ESR1: variants seen among roughly 807,000 people sequenced by gnomAD.
The protein encoded by ESR1 is estrogen receptor 1.
In ESR1, 12 loss-of-function variants were observed where a neutral mutation model predicts 52.7. The ratio of observed to expected loss-of-function variants is 0.23; its 90% CI spans 0.15 to 0.37. The LOEUF is 0.37. Among genes scored for constraint, ESR1 ranks in the 10% least tolerant of loss-of-function variants. The pLI is 1.00. For synonymous variants in ESR1, 305 were observed against 316.8 expected, an observed-to-expected ratio of 0.96 and a Z score of 0.39; for missense variants, 584 against 779.7, an observed-to-expected ratio of 0.75 and a Z score of 2.99.
At chr6:151,906,617 G>T (rs996756417) in intron 3 of ESR1, among the ~76,000 whole-genome samples, 1 of 150,580 alleles carries the variant, frequency 6.6e-6, no homozygotes, top group African/African-American at 2.4e-5. Context: ...AGAAACATTG[G>T]ATAGTCTCTT....
At chr6:151,811,137 C>G (rs1778772838) in intron 1 of ESR1, 1 of 152,148 alleles carries the variant, frequency 6.6e-6, no homozygotes, top group South Asian at 2.1e-4. Context: ...TAATATGCAG[C>G]CACATCTATG....
intron 3 of ESR1, among the ~76,000 whole-genome samples, chr6:151,911,601 G>A (rs1400568729): frequency 6.6e-6 from 1 of 152,164 alleles, no homozygotes; most frequent in Non-Finnish European, 1.5e-5. Flanking sequence ...ACTCGCCTCT[G>A]GGAGGCCTCC....
chr6:152,106,918 T>C (rs1397359804), downstream of ESR1, among the ~76,000 whole-genome samples: 2 of 152,092 alleles, frequency 1.3e-5, no homozygotes, highest in African/African-American at 2.4e-5. Context: ...GCACTTTGTA[T>C]ATATCATCCC....
chr6:151,819,371 C>G (rs960579831), intron 1 of ESR1, among the ~76,000 whole-genome samples: 4 of 152,182 alleles, frequency 2.6e-5, no homozygotes, highest in Non-Finnish European at 5.9e-5. Flanking sequence ...GGTTTGGGGC[C>G]TGTTAGGAAC....
upstream of ESR1, among the ~76,000 whole-genome samples, chr6:151,799,721 G>A (rs959448811): frequency 3.9e-5 from 6 of 152,220 alleles, no homozygotes; most frequent in African/African-American, 1.4e-4. Context: ...GCATTTATAG[G>A]AGTAGCACTC....
chr6:152,071,978 T>G (rs889322567), intron 6 of ESR1, among the ~76,000 whole-genome samples: 1 of 152,222 alleles, frequency 6.6e-6, no homozygotes, highest in Admixed American at 6.5e-5. Flanking sequence ...AAACTATCAA[T>G]TACACTTTTA....
At chr6:152,106,732 G>T (rs1479621011), downstream of ESR1, among the ~76,000 whole-genome samples, 1 of 152,138 alleles carries the variant, frequency 6.6e-6, no homozygotes, top group Non-Finnish European at 1.5e-5. Context: ...GGAAGTACAG[G>T]CATGTACCAC....
chr6:151,967,598 G>T (rs1466176433), intron 4 of ESR1, among the ~76,000 whole-genome samples: 1 of 152,144 alleles, frequency 6.6e-6, no homozygotes, highest in East Asian at 1.9e-4. Context: ...TGGGCATTTG[G>T]GTTGGTTCCA....
chr6:152,091,649 G>T (rs2050189947), intron 6 of ESR1, among the ~76,000 whole-genome samples: 2 of 152,134 alleles, frequency 1.3e-5, no homozygotes, highest in African/African-American at 4.8e-5. Context: ...CTCCCCAGAG[G>T]CCGAGTGCCA....
chr6:151,984,928 G>A (rs939771577), intron 4 of ESR1, among the ~76,000 whole-genome samples: 3 of 152,062 alleles, frequency 2.0e-5, no homozygotes, highest in Admixed American at 2.0e-4. Context: ...TCAAGATCTA[G>A]TCCCTTCTTT....
chr6:151,980,549 G>A (rs557247143), intron 4 of ESR1, among the ~76,000 whole-genome samples: 1 of 152,074 alleles, frequency 6.6e-6, no homozygotes, highest in Non-Finnish European at 1.5e-5. Flanking sequence ...AAAGATACAC[G>A]ACTCATTGGT....
At chr6:151,931,889 T>C (rs1330540926) in intron 3 of ESR1, among the ~76,000 whole-genome samples, 2 of 143,722 alleles carry the variant, frequency 1.4e-5, no homozygotes, top group Non-Finnish European at 3.1e-5. Context: ...TCTTTGCTAT[T>C]GTGAATAATG....
At chr6:151,911,688 CCTTA>C (rs1018950520) in intron 3 of ESR1, among the ~76,000 whole-genome samples, 1 of 152,208 alleles carries the variant, frequency 6.6e-6, no homozygotes, top group African/African-American at 2.4e-5. Context: ...GGAACCTCTT[CCTTA>C]CTTAGTTTCT....
chr6:152,097,376 A>G (rs936956710), intron 7 of ESR1, among the ~76,000 whole-genome samples: 1 of 151,932 alleles, frequency 6.6e-6, no homozygotes, highest in African/African-American at 2.4e-5. Context: ...TCCAGGGGGC[A>G]TTTAACTTTT....
At chr6:151,724,170 G>A (rs560324783) in intron 2 of ESR1, among the ~76,000 whole-genome samples, 1 of 152,216 alleles carries the variant, frequency 6.6e-6, no homozygotes, top group South Asian at 2.1e-4. Flanking sequence ...GGTAGGCTGG[G>A]ACTGAAAGCA....
intron 2 of ESR1, among the ~76,000 whole-genome samples, chr6:151,843,995 G>A (rs1008670384): frequency 6.6e-6 from 1 of 150,596 alleles, no homozygotes; most frequent in Non-Finnish European, 1.5e-5. Context: ...CATTTTCTTC[G>A]ACACATTGCT....
At position 151,807,976 on chromosome 6, in the gene ESR1, G is replaced by A. The variant is rs1583384537; in HGVS notation, c.64G>A (p.Glu22Lys). 14 of 1,613,998 alleles carry A rather than the reference G, an allele frequency of 8.7e-6. No individual in the cohort carries two copies. The highest frequency in any genetic ancestry group is 2.2e-5 in the East Asian group (1 of 44,854). ...MALLHQIQGN[E>K]LEPLNRPQLK... Reference sequence around the variant, plus strand: ...CCTACTGCATCAGATCCAAGGGAACGAGCTGGAGCCCCTGAACCGTCCGCA... The same window carrying A: ...CCTACTGCATCAGATCCAAGGGAACAAGCTGGAGCCCCTGAACCGTCCGCA... The change falls in exon 1 of 8, where the codon GAG (glutamate) becomes AAG (lysine). Residue 22 changes from glutamate (E) to lysine (K), a missense_variant. Physicochemically the swap from Glu to Lys is moderately conservative, Grantham distance 56. Around this residue, in one of 6 missense-constraint regions of ESR1, gnomAD observed 251 missense variants for 246.1 expected, o/e 1.02. Transcript: ENST00000206249.
chr6:151,661,760 G>A (rs1015884715), intron 1 of ESR1, among the ~76,000 whole-genome samples: 5 of 152,172 alleles, frequency 3.3e-5, no homozygotes, highest in African/African-American at 1.2e-4. Flanking sequence ...CTGTTCTCAT[G>A]ACAGAGAGTA....
intron 4 of ESR1, among the ~76,000 whole-genome samples, chr6:151,992,884 T>G (rs2041153643): frequency 6.6e-6 from 1 of 152,182 alleles, no homozygotes; most frequent in African/African-American, 2.4e-5. Flanking sequence ...AATATGTCTG[T>G]TATAACATAT....
Sources: gnomAD v4.1 joint callset for allele counts (sites outside exome capture counted in the v4.1 genomes callset) on GRCh38, gnomAD v4.1.1 for gene constraint, gnomAD v4.1.1 regional missense constraint, MANE v1.5 for transcripts, NCBI Gene and HGNC (gene_info 2026-07-23, HGNC 2026-07-21) for gene names.